The following MEF2C variants were observed in gnomAD, a reference collection of about 807,000 sequenced individuals.
MEF2C encodes the protein myocyte enhancer factor 2C, also known as myocyte-specific enhancer factor 2C.
A neutral mutation model predicts 50.5 loss-of-function variants in MEF2C; 6 were observed. The observed-to-expected ratio is 0.12, with a 90% CI of 0.07 to 0.23. The LOEUF is 0.23. Among genes scored for constraint, MEF2C ranks in the 10% least tolerant of loss-of-function variants. The probability of loss-of-function intolerance (pLI) is 1.00; values close to 1 mark genes in which losing one functional copy is unlikely to be tolerated. For synonymous variants in MEF2C, 183 were observed against 228.0 expected, an observed-to-expected ratio of 0.80 and a Z score of 1.78; for missense variants, 276 against 605.0, an observed-to-expected ratio of 0.46 and a Z score of 5.70.
chr5:88,759,992 C>T (rs942452577), intron 4 of MEF2C, among the ~76,000 whole-genome samples: 6 of 152,232 alleles, frequency 3.9e-5, no homozygotes, highest in Non-Finnish European at 5.9e-5. Flanking sequence ...CATATTTTCA[C>T]TTCAGTCTCT....
intron 2 of MEF2C, among the ~76,000 whole-genome samples, chr5:88,816,230 G>A (rs757983005): frequency 2.0e-5 from 3 of 151,964 alleles, no homozygotes; most frequent in Non-Finnish European, 2.9e-5. Flanking sequence ...TGAGATTGAC[G>A]GGAGTTGGAG....
At chr5:88,816,553 C>T (rs1805510070) in intron 2 of MEF2C, among the ~76,000 whole-genome samples, 1 of 136,984 alleles carries the variant, frequency 7.3e-6, no homozygotes, top group Non-Finnish European at 1.5e-5. Flanking sequence ...TTTTTCAACT[C>T]TTCAATCACC....
intron 6 of MEF2C, chr5:88,743,686 A>G: frequency 1.0e-6 from 1 of 985,436 alleles, no homozygotes; most frequent in South Asian, 4.7e-5. Context: ...GAGTCTTTCC[A>G]GAGTCTGGAA....
At position 88,862,216 on chromosome 5, in the gene MEF2C, C is replaced by T. The variant is rs186051189; in HGVS notation, c.-143+20739G>A. ...GTTCATTTTATGGTAAGGCTTCCTA[C>T]GAAATAATAAAACAATCTTTTTCTA... On this transcript the variant is annotated intron_variant, in intron 1 of 10. Transcript: ENST00000504921. Among the ~76,000 whole-genome samples, 288 of 152,246 alleles carry T rather than the reference C, an allele frequency of 1.9e-3. 1 individual carries two copies. Among genetic ancestry groups the T allele is most frequent in the Middle Eastern group, 6.8e-3 (2 of 294 alleles).
chr5:88,739,290 T>C (rs1765436430), intron 6 of MEF2C: 1 of 984,034 alleles, frequency 1.0e-6, no homozygotes, highest in African/African-American at 1.7e-5. Flanking sequence ...GCTGGACCTC[T>C]GAAGTATCAA....
intron 1 of MEF2C, among the ~76,000 whole-genome samples, chr5:88,842,245 C>T (rs1817639795): frequency 6.6e-6 from 1 of 152,038 alleles, no homozygotes; most frequent in Non-Finnish European, 1.5e-5. Flanking sequence ...ATCTTTAATT[C>T]CTACCTGTAT....
chr5:88,843,511 T>C, intron 1 of MEF2C: 1 of 981,230 alleles, frequency 1.0e-6, no homozygotes, highest in Non-Finnish European at 1.2e-6. Context: ...ACATTTTTCA[T>C]GTGTCTGAAA....
chr5:88,813,590 C>T (rs544053070), intron 2 of MEF2C, among the ~76,000 whole-genome samples: 1 of 152,112 alleles, frequency 6.6e-6, no homozygotes, highest in Admixed American at 6.6e-5. Context: ...AGCAGCTACT[C>T]ACATCTATAA....
intron 1 of MEF2C, among the ~76,000 whole-genome samples, chr5:88,868,927 C>T (rs1828259292): frequency 6.6e-6 from 1 of 152,096 alleles, no homozygotes. Flanking sequence ...ATTATAAAAT[C>T]AACTTACAAT....
At chr5:88,760,785 G>A (rs984446876) in intron 4 of MEF2C, among the ~76,000 whole-genome samples, 3 of 152,154 alleles carry the variant, frequency 2.0e-5, no homozygotes, top group African/African-American at 7.2e-5. Context: ...ACCTCAGAAT[G>A]AACTTTTCGA....
chr5:88,764,257 A>C (rs971991622), intron 3 of MEF2C, among the ~76,000 whole-genome samples: 12 of 152,206 alleles, frequency 7.9e-5, no homozygotes, highest in Admixed American at 3.9e-4. Context: ...CTTTGTTGAA[A>C]GATCTCCACA....
chr5:88,748,946 G>C (rs1004649622), intron 6 of MEF2C, 124 bp downstream of exon 6: 2 of 1,519,482 alleles, frequency 1.3e-6, no homozygotes, highest in Non-Finnish European at 8.9e-7. Flanking sequence ...AATTCTTGGT[G>C]TCATTTTTCC....
chr5:88,872,638 T>G (rs949683793), intron 1 of MEF2C, among the ~76,000 whole-genome samples: 1 of 152,092 alleles, frequency 6.6e-6, no homozygotes, highest in Non-Finnish European at 1.5e-5. Context: ...AATAATTTAA[T>G]ATTTACTGAT....
chr5:88,850,189 G>A (rs1005784306), intron 1 of MEF2C, among the ~76,000 whole-genome samples: 1 of 150,860 alleles, frequency 6.6e-6, no homozygotes, highest in African/African-American at 2.4e-5. Flanking sequence ...TGCAGTGTTT[G>A]GTTTTTTGTC....
intron 1 of MEF2C, among the ~76,000 whole-genome samples, chr5:88,863,962 C>T (rs947470425): frequency 6.6e-6 from 1 of 151,828 alleles, no homozygotes; most frequent in Admixed American, 6.6e-5. Context: ...GCAGGGATTA[C>T]AGGGATGTGC....
intron 1 of MEF2C, among the ~76,000 whole-genome samples, chr5:88,867,735 T>G (rs1367555890): frequency 6.6e-6 from 1 of 152,210 alleles, no homozygotes; most frequent in African/African-American, 2.4e-5. Context: ...AAGTCATACT[T>G]GAAAGTATCA....
chr5:88,882,768 A>G (rs1833334397), intron 1 of MEF2C, among the ~76,000 whole-genome samples, 187 bp downstream of exon 1: 1 of 152,224 alleles, frequency 6.6e-6, no homozygotes, highest in Non-Finnish European at 1.5e-5. Flanking sequence ...CTATCTAAAA[A>G]GTTACTTTTA....
At chr5:88,903,417 T>C (rs375575219) in intron 1 of MEF2C, among the ~76,000 whole-genome samples, 1 of 152,056 alleles carries the variant, frequency 6.6e-6, no homozygotes, top group Non-Finnish European at 1.5e-5. Flanking sequence ...TTTAAAAATG[T>C]ATTAAAATAA....
intron 6 of MEF2C, chr5:88,736,953 C>T (rs1764384057): frequency 1.0e-6 from 1 of 984,726 alleles, no homozygotes; most frequent in Non-Finnish European, 1.2e-6. Flanking sequence ...TTTCATGATG[C>T]CTTTCAGACA....
Sources: gnomAD v4.1 joint callset for allele counts (sites outside exome capture counted in the v4.1 genomes callset) on GRCh38, gnomAD v4.1.1 for gene constraint, MANE v1.5 for transcripts, NCBI Gene and HGNC (gene_info 2026-07-23, HGNC 2026-07-21) for gene names.